TGFBR2: variants seen among roughly 807,000 people sequenced by gnomAD.
TGFBR2 encodes TGF-beta receptor type-2.
In TGFBR2, 18 loss-of-function variants were observed where a neutral mutation model predicts 49.0. The observed-to-expected ratio is 0.37, with a 90% CI of 0.25 to 0.54. The LOEUF is 0.54. Ranked by LOEUF, TGFBR2 falls within the 20% of genes least tolerant of loss-of-function variation. The probability of loss-of-function intolerance (pLI) is 0.85; values close to 1 mark genes in which losing one functional copy is unlikely to be tolerated. For synonymous variants in TGFBR2, 282 were observed against 275.9 expected, an observed-to-expected ratio of 1.02 and a Z score of -0.22; for missense variants, 525 against 722.6, an observed-to-expected ratio of 0.73 and a Z score of 3.13.
chr3:30,613,246 G>A (rs530602655), intron 1 of TGFBR2, among the ~76,000 whole-genome samples: 5 of 151,546 alleles, frequency 3.3e-5, no homozygotes, highest in Non-Finnish European at 7.4e-5. Context: ...TCTGTCCTGG[G>A]CCTTAGATGG....
chr3:30,693,932 GT>G lies in TGFBR2; in HGVS notation c.*2337del, dbSNP rs1207921070. 4.3e-6 allele frequency: 1 copy of G among 230,246 alleles called. No individual in the cohort carries two copies. The allele number at this position is 230,246 out of a possible 1,614,324, so 14.3% of individuals were successfully genotyped here. On this transcript the variant is annotated 3_prime_UTR_variant, in exon 7 of 7. Coordinates refer to ENST00000295754, the MANE Select transcript of TGFBR2 (RefSeq NM_003242.6). ...TTTCACTACTATACATAAAGGGAAA[GT>G]TTTATTCTTTTATGGAACACTTCAG...
At chr3:30,681,580 A>G (rs1033239622) in intron 5 of TGFBR2, among the ~76,000 whole-genome samples, 9 of 152,296 alleles carry the variant, frequency 5.9e-5, no homozygotes, top group Admixed American at 5.9e-4. Flanking sequence ...GGTGGCTTCC[A>G]TCAGTGAAAA....
chr3:30,625,221 T>A (rs566253003), intron 1 of TGFBR2, among the ~76,000 whole-genome samples: 1 of 152,318 alleles, frequency 6.6e-6, no homozygotes, highest in Admixed American at 6.5e-5. Context: ...AATATATATT[T>A]GTTTAATGGA....
chr3:30,679,171 G>T (rs1304073390), intron 5 of TGFBR2, among the ~76,000 whole-genome samples: 4 of 152,168 alleles, frequency 2.6e-5, no homozygotes, highest in Non-Finnish European at 5.9e-5. Flanking sequence ...AGGCAAGTGT[G>T]GTTCAGTTGT....
rs1699742051 is a variant in TGFBR2, at chr3:30,693,067, A to G, written c.*1468A>G. ...TCTCTGGGTATATAATATGATTTTG[A>G]CTACCTTATCTGGTGTTAAGATTTG... On this transcript the variant is annotated 3_prime_UTR_variant, in exon 7 of 7. Coordinates refer to ENST00000295754, the MANE Select transcript of TGFBR2 (RefSeq NM_003242.6). 4.3e-6 allele frequency: 1 copy of G among 233,256 alleles called. No individual in the cohort carries two copies. The highest frequency in any genetic ancestry group is 6.0e-5 in the East Asian group (1 of 16,694). 14.4% of individuals were successfully genotyped at this position (233,256 alleles called of 1,614,324 possible). A position where few individuals can be genotyped will look rare whatever the true frequency, so the allele number is the denominator to read the frequency against.
intron 1 of TGFBR2, among the ~76,000 whole-genome samples, chr3:30,611,218 T>C (rs1698022357): frequency 1.3e-5 from 2 of 152,202 alleles, no homozygotes; most frequent in African/African-American, 2.4e-5. Context: ...ACCCAGGAAG[T>C]GCTGAGCTGA....
chr3:30,639,056 T>C (rs189499048), intron 1 of TGFBR2, among the ~76,000 whole-genome samples: 2 of 152,270 alleles, frequency 1.3e-5, no homozygotes, highest in Non-Finnish European at 2.9e-5. Context: ...GAGAAAAGCA[T>C]ATGGAAAGAA....
intron 6 of TGFBR2, among the ~76,000 whole-genome samples, chr3:30,691,105 G>A (rs1312511658): frequency 1.3e-5 from 2 of 152,200 alleles, no homozygotes; most frequent in African/African-American, 4.8e-5. Context: ...ATTTTCAGGT[G>A]TTGGGAGTGT....
chr3:30,606,916 G>T lies in TGFBR2; in HGVS notation c.33G>T (p.Pro11=), dbSNP rs1575125895. Residue 11 remains proline, a synonymous_variant, in exon 1 of 7, where the codon CCG becomes CCT. Coordinates refer to ENST00000295754, the MANE Select transcript of TGFBR2 (RefSeq NM_003242.6). ...GGGGGCTGCTCAGGGGCCTGTGGCC[G>T]CTGCACATCGTCCTGTGGACGCGTA... MGRGLLRGLW[P]LHIVLWTRIA... 6.3e-7 allele frequency: 1 copy of T among 1,595,672 alleles called. No individual in the cohort carries two copies. The highest frequency in any genetic ancestry group is 8.5e-7 in the Non-Finnish European group (1 of 1,170,680).
rs200361776 is a variant in TGFBR2, at chr3:30,619,972, A to G, written c.94+12995A>G. The stretch of plus-strand genomic sequence containing the variant: ...GGAGGCCGAGGCGGGCGGATCACGA[A>G]GTCAGGAGATCGAGACCATCCTCGC... On this transcript the variant is annotated intron_variant, in intron 1 of 6. Transcript: ENST00000295754. 4.6e-4 allele frequency among the ~76,000 whole-genome samples: 70 copies of G among 152,112 alleles called. No individual in the cohort carries two copies. The East Asian group carries it at 0.011, about 25-fold the overall frequency.
chr3:30,650,237 T>C, intron 2 of TGFBR2, 33 bp from the exon 3 acceptor site: 1 of 1,600,646 alleles, frequency 6.2e-7, no homozygotes, highest in East Asian at 2.2e-5. Context: ...TCTCTCCCTC[T>C]CCCCTCGCTT....
At chr3:30,668,449 G>GAAGTGGTAA (rs1475492297) in intron 3 of TGFBR2, among the ~76,000 whole-genome samples, 1 of 152,204 alleles carries the variant, frequency 6.6e-6, no homozygotes, top group Non-Finnish European at 1.5e-5. Context: ...GAGCATTGTG[G>GAAGTGGTAA]AAGTGGTAAG....
chr3:30,616,837 T>C (rs1698142869), intron 1 of TGFBR2, among the ~76,000 whole-genome samples: 1 of 152,162 alleles, frequency 6.6e-6, no homozygotes, highest in South Asian at 2.1e-4. Context: ...ACTACAGGTG[T>C]CTGAGCATAC....
chr3:30,681,018 C>T (rs1699529823), intron 5 of TGFBR2, among the ~76,000 whole-genome samples: 1 of 152,120 alleles, frequency 6.6e-6, no homozygotes, highest in African/African-American at 2.4e-5. Context: ...TGCAAGCACA[C>T]TGACTTCCAC....
rs138064290 is a variant in TGFBR2, at chr3:30,691,194, G to C, written c.1525-226G>C. On this transcript the variant is annotated intron_variant, in intron 6 of 6. Transcript: ENST00000295754. The stretch of plus-strand genomic sequence containing the variant: ...GATCAGATAGCACCAGAGCCAAAAA[G>C]TATGGTAGGTTTTGAGCACAGCTGC... Among the ~76,000 whole-genome samples the C allele has an allele frequency of 2.0e-3, 310 of 152,306 alleles. 2 individuals are homozygous for C. The highest frequency in any genetic ancestry group is 3.9e-3 in the Admixed American group (59 of 15,292).
intron 2 of TGFBR2, among the ~76,000 whole-genome samples, chr3:30,649,807 C>T (rs1457960460): frequency 6.6e-6 from 1 of 152,134 alleles, no homozygotes; most frequent in South Asian, 2.1e-4. Context: ...CAGGCATGCT[C>T]TTTGAAAACA....
intron 3 of TGFBR2, among the ~76,000 whole-genome samples, chr3:30,651,581 A>G (rs1359200861): frequency 2.0e-5 from 3 of 152,230 alleles, no homozygotes; most frequent in Non-Finnish European, 4.4e-5. Flanking sequence ...ATTTCATATT[A>G]TCTCCCACGA....
At chr3:30,628,901 A>G (rs1698386674) in intron 1 of TGFBR2, among the ~76,000 whole-genome samples, 1 of 152,154 alleles carries the variant, frequency 6.6e-6, no homozygotes, top group Non-Finnish European at 1.5e-5. Flanking sequence ...CTACCTCAGC[A>G]GTGACACTAC....
intron 1 of TGFBR2, among the ~76,000 whole-genome samples, chr3:30,622,725 CA>C (rs1698253355): frequency 6.6e-6 from 1 of 151,082 alleles, no homozygotes; most frequent in African/African-American, 2.4e-5. Context: ...ACTAAAAATA[CA>C]AAAATTAGCT....
Sources: gnomAD v4.1 joint callset for allele counts (sites outside exome capture counted in the v4.1 genomes callset) on GRCh38, gnomAD v4.1.1 for gene constraint, MANE v1.5 for transcripts, NCBI Gene and HGNC (gene_info 2026-07-23, HGNC 2026-07-21) for gene names.